The following CSNK2A2 variants were observed in gnomAD, a reference collection of about 807,000 sequenced individuals.
CSNK2A2 encodes casein kinase II subunit alpha'.
In CSNK2A2, 8 loss-of-function variants were observed where a neutral mutation model predicts 54.0. The observed-to-expected ratio is 0.15, with a 90% confidence interval of 0.09 to 0.27. CSNK2A2 has a LOEUF of 0.27. CSNK2A2 is among the 10% of genes least tolerant of loss of function. The pLI, the probability that CSNK2A2 is intolerant of heterozygous loss-of-function variation, is 1.00. For missense variants in CSNK2A2, 242 were observed against 439.4 expected, an observed-to-expected ratio of 0.55 and a Z score of 4.02; for synonymous variants, 141 against 153.9, an observed-to-expected ratio of 0.92 and a Z score of 0.62.
rs1324884548 is a variant in CSNK2A2 at position 58,168,412 on chromosome 16, ATAGT to A, written c.513+194_513+197del. Among the ~76,000 whole-genome samples the A allele has an allele frequency of 5.9e-5, 9 of 152,354 alleles. No individual in the cohort carries two copies. The South Asian group carries it at 1.4e-3, about 25-fold the overall frequency. On this transcript the variant is annotated intron_variant, in intron 6 of 11. Coordinates refer to ENST00000262506, the MANE Select transcript of CSNK2A2 (RefSeq NM_001896.4). ...AAACAAGTGACTATAGTTAGTTACT[ATAGT>A]TAAACCGTCTACTTTCCTTGTGTAC...
At chr16:58,190,747 T>A (rs1233403272) in intron 2 of CSNK2A2, among the ~76,000 whole-genome samples, 1 of 152,192 alleles carries the variant, frequency 6.6e-6, no homozygotes, top group Admixed American at 6.5e-5. Flanking sequence ...AAAGAAGTGT[T>A]GGCAAGGATG....
In CSNK2A2 at chr16:58,179,160, G is replaced by A. The variant is rs544642582; in HGVS notation, c.370-4650C>T. Reference sequence around the variant, plus strand: ...TTTACAAGTGACGTATCATAATGATGTCTGCAACTTAATTTAAAATGACTC... The same window carrying A: ...TTTACAAGTGACGTATCATAATGATATCTGCAACTTAATTTAAAATGACTC... On this transcript the variant is annotated intron_variant, in intron 4 of 11. Transcript: ENST00000262506. Among the ~76,000 whole-genome samples the A allele has an allele frequency of 2.0e-5, 3 of 152,248 alleles. No homozygotes were observed. In the East Asian group the frequency reaches 5.8e-4, roughly 29 times the overall value.
intron 4 of CSNK2A2, among the ~76,000 whole-genome samples, chr16:58,178,308 G>A (rs1044134066): frequency 6.6e-6 from 1 of 151,176 alleles, no homozygotes; most frequent in Non-Finnish European, 1.5e-5. Flanking sequence ...AATTGAGATG[G>A]AGTCTCACTC....
intron 3 of CSNK2A2, among the ~76,000 whole-genome samples, chr16:58,185,332 T>C (rs1962164062): frequency 6.6e-6 from 1 of 152,212 alleles, no homozygotes; most frequent in Admixed American, 6.5e-5. Context: ...TTCATCAGTA[T>C]TACCACTTCT....
intron 2 of CSNK2A2, among the ~76,000 whole-genome samples, chr16:58,187,452 G>C (rs1275699570): frequency 2.0e-5 from 3 of 152,122 alleles, no homozygotes; most frequent in Admixed American, 6.6e-5. Flanking sequence ...AAGAAATGTT[G>C]AATCAGGAAA....
At chr16:58,176,079 T>C (rs1961870700) in intron 4 of CSNK2A2, among the ~76,000 whole-genome samples, 1 of 152,230 alleles carries the variant, frequency 6.6e-6, no homozygotes, top group Non-Finnish European at 1.5e-5. Flanking sequence ...TAAGATGCCA[T>C]CTCTTGGGTG....
In CSNK2A2 at chr16:58,171,975, ATATATTTTTTTT is replaced by A. The variant is rs1284098581; in HGVS notation, c.429+2464_429+2475del. Among the ~76,000 whole-genome samples, 3 of 36,166 alleles carry A rather than the reference ATATATTTTTTTT, an allele frequency of 8.3e-5. No homozygotes were observed. The Admixed American group carries it at 9.5e-4, about 11-fold the overall frequency. 23.7% of individuals were successfully genotyped at this position (36,166 alleles called of 152,430 possible). A position where few individuals can be genotyped will look rare whatever the true frequency, so the allele number is the denominator to read the frequency against. On this transcript the variant is annotated intron_variant, in intron 5 of 11. Coordinates refer to ENST00000262506, the MANE Select transcript of CSNK2A2 (RefSeq NM_001896.4). ...GGAGCATGCATATATATATATATAT[ATATATTTTTTTT>A]TTTTTTTTTTTTTTGGTAGCTATGG...
Position 58,174,491 on chromosome 16 carries a change from G to C in CSNK2A2, c.389C>G (p.Thr130Arg). Reference protein sequence around the residue: ...TDFKQLYQILTDFDIRFYMYE... With the variant: ...TDFKQLYQILRDFDIRFYMYE... Reference sequence around the variant, plus strand: ...CATATAAAACCGGATATCAAAGTCTGTCAGGATCTGGTAGAGTTGCTGAAA... The same window carrying C: ...CATATAAAACCGGATATCAAAGTCTCTCAGGATCTGGTAGAGTTGCTGAAA... The change falls in exon 5 of 12, where the codon ACA (threonine) becomes AGA (arginine). Residue 130 changes from threonine (T) to arginine (R), a missense_variant. Thr to Arg is a moderately conservative substitution (Grantham distance 71). Around this residue, in one of 5 missense-constraint regions of CSNK2A2, gnomAD observed 69 missense variants for 97.0 expected, o/e 0.71. Coordinates refer to ENST00000262506, the MANE Select transcript of CSNK2A2 (RefSeq NM_001896.4). 5 of 1,612,680 alleles carry C rather than the reference G, an allele frequency of 3.1e-6. No individual in the cohort carries two copies. The highest frequency in any genetic ancestry group is 4.2e-6 in the Non-Finnish European group (5 of 1,179,462).
chr16:58,176,929 T>G (rs115744172), intron 4 of CSNK2A2, among the ~76,000 whole-genome samples: 63 of 152,316 alleles, frequency 4.1e-4, no homozygotes, highest in African/African-American at 1.4e-3. Context: ...CAACATTCCC[T>G]GTGCTTCGTG....
chr16:58,185,356 T>C (rs1031637460), intron 3 of CSNK2A2, among the ~76,000 whole-genome samples: 1 of 152,208 alleles, frequency 6.6e-6, no homozygotes, highest in Admixed American at 6.5e-5. Flanking sequence ...AACGGGAGAA[T>C]AGTGGAGTAA....
chr16:58,173,747 C>T (rs1961801860), intron 5 of CSNK2A2, among the ~76,000 whole-genome samples: 1 of 152,214 alleles, frequency 6.6e-6, no homozygotes, highest in Non-Finnish European at 1.5e-5. Context: ...GCATGTCTCT[C>T]TATAATATGC....
chr16:58,159,815 T>C (rs1336579534), intron 11 of CSNK2A2: 1 of 152,196 alleles, frequency 6.6e-6, no homozygotes, highest in Non-Finnish European at 1.5e-5. Context: ...TTCCACTAGT[T>C]GTCAAGATTT....
intron 4 of CSNK2A2, among the ~76,000 whole-genome samples, chr16:58,174,752 C>T (rs1459688202): frequency 1.3e-5 from 2 of 152,090 alleles, no homozygotes; most frequent in African/African-American, 4.8e-5. Flanking sequence ...TAAGCCAACT[C>T]AGATCTTTCC....
intron 11 of CSNK2A2, chr16:58,159,047 A>C (rs1032826126): frequency 6.6e-6 from 1 of 152,280 alleles, no homozygotes; most frequent in Admixed American, 6.5e-5. Context: ...CATTTCATGA[A>C]AACTTTCTTT....
chr16:58,168,513 C>G (rs956687430), intron 6 of CSNK2A2, 97 bp downstream of exon 6: 27 of 962,856 alleles, frequency 2.8e-5, no homozygotes, highest in Non-Finnish European at 4.3e-5. Context: ...CCAAAAAACC[C>G]ACCACGGGTC....
chr16:58,171,436 C>T (rs113333575), intron 5 of CSNK2A2, among the ~76,000 whole-genome samples: 8,202 of 152,008 alleles, frequency 0.054, 345 homozygotes, highest in South Asian at 0.18. Flanking sequence ...GGCGGGAGAA[C>T]TGCTTGAACC....
At chr16:58,165,855 T>C (rs1329859969) in intron 9 of CSNK2A2, 147 bp from the exon 10 acceptor site, 5 of 756,886 alleles carry the variant, frequency 6.6e-6, no homozygotes, top group South Asian at 2.2e-5. Context: ...TACGGCCCCA[T>C]AGTTACAGCA....
chr16:58,184,025 C>A (rs1326000052), intron 4 of CSNK2A2, among the ~76,000 whole-genome samples: 2 of 152,334 alleles, frequency 1.3e-5, no homozygotes, highest in East Asian at 3.9e-4. Context: ...AGCTTAGACC[C>A]AGCCGAGCAG....
intron 3 of CSNK2A2, among the ~76,000 whole-genome samples, chr16:58,185,099 T>C (rs556995250): frequency 2.0e-5 from 3 of 152,094 alleles, no homozygotes; most frequent in Admixed American, 6.6e-5. Context: ...ATAACGCTAA[T>C]TGGCAGTAAT....
Sources: gnomAD v4.1 joint callset for allele counts (sites outside exome capture counted in the v4.1 genomes callset) on GRCh38, gnomAD v4.1.1 for gene constraint, gnomAD v4.1.1 regional missense constraint, MANE v1.5 for transcripts, NCBI Gene and HGNC (gene_info 2026-07-23, HGNC 2026-07-21) for gene names.